PCDHGA4: variants seen among roughly 807,000 people sequenced by gnomAD.
PCDHGA4 encodes the protein protocadherin gamma subfamily A, 4.
Under a neutral mutation model 54.6 loss-of-function variants are expected in PCDHGA4, and 38 were observed. That is an observed-to-expected ratio of 0.70 (90% CI 0.54 to 0.91). The LOEUF is 0.91. PCDHGA4 is among the 40% of genes least tolerant of loss of function. The pLI is 0.00. For missense variants in PCDHGA4, 1,298 were observed against 1,220.9 expected (o/e 1.06, Z -0.94); for synonymous variants, 511 against 512.9 (o/e 1.00, Z 0.05).
Position 141,375,204 on chromosome 5 carries a change from G to A in PCDHGA4, c.2514+17583G>A, listed in dbSNP as rs368044815. 218 of 1,613,850 alleles carry A rather than the reference G, an allele frequency of 1.4e-4. No individual in the cohort carries two copies. The highest frequency in any genetic ancestry group is 1.7e-4 in the Non-Finnish European group (204 of 1,179,898). ...ATCGCCCTTTTTCAAGTGTTCGATC[G>A]AGACTCTGGCCTGAATGGCCTGGTA... On this transcript the variant is annotated intron_variant, in intron 1 of 3. Coordinates refer to ENST00000571252, the MANE Select transcript of PCDHGA4 (RefSeq NM_018917.4).
intron 1 of PCDHGA4, chr5:141,393,562 A>C: frequency 6.2e-7 from 1 of 1,613,964 alleles, no homozygotes; most frequent in Non-Finnish European, 8.5e-7. Context: ...TACCGAGTGA[A>C]AGTCCTTGAG....
chr5:141,495,810 C>T (rs1003475681), intron 2 of PCDHGA4, among the ~76,000 whole-genome samples: 1 of 152,088 alleles, frequency 6.6e-6, no homozygotes, highest in Non-Finnish European at 1.5e-5. Context: ...CGTTTCCTAG[C>T]GCCTTGTGTT....
chr5:141,405,595 A>C (rs1255161296), intron 1 of PCDHGA4: 1 of 578,138 alleles, frequency 1.7e-6, no homozygotes, highest in Non-Finnish European at 3.1e-6. Flanking sequence ...CAGGCCTCCC[A>C]AGTAGAATAA....
At chr5:141,385,427 T>C (rs1052771598) in intron 1 of PCDHGA4, 27 of 1,460,068 alleles carry the variant, frequency 1.8e-5, no homozygotes, top group Non-Finnish European at 2.3e-5. Context: ...TAAAAAACTT[T>C]ATAGAGGTAA....
In PCDHGA4 at chr5:141,374,803, A is replaced by G. The variant is rs371815306; in HGVS notation, c.2514+17182A>G. The G allele has an allele frequency of 9.7e-5, 157 of 1,613,866 alleles. 1 individual carries two copies. Among genetic ancestry groups the G allele is most frequent in the Middle Eastern group, 1.6e-4 (1 of 6,084 alleles). On this transcript the variant is annotated intron_variant, in intron 1 of 3. Coordinates refer to ENST00000571252, the MANE Select transcript of PCDHGA4 (RefSeq NM_018917.4). ...TTCTAGATGTGAATGACAACACTCC[A>G]ATGTTTACTCAGCCTGTCTACCGTG...
chr5:141,500,139 CT>C (rs2099796692), intron 2 of PCDHGA4, among the ~76,000 whole-genome samples: 2 of 151,768 alleles, frequency 1.3e-5, no homozygotes, highest in East Asian at 3.9e-4. Context: ...TCTTTCTAAA[CT>C]TTTCTTTGTG....
chr5:141,359,856 A>C (rs1055838573), intron 1 of PCDHGA4, among the ~76,000 whole-genome samples: 7 of 152,188 alleles, frequency 4.6e-5, no homozygotes, highest in Admixed American at 2.0e-4. Context: ...TTTATAAATT[A>C]AAAAAGAAAA....
chr5:141,417,641 C>G (rs1266850894), intron 1 of PCDHGA4: 12 of 779,426 alleles, frequency 1.5e-5, no homozygotes, highest in Non-Finnish European at 2.1e-5. Context: ...CCGGGGATCC[C>G]TCAGCCTCTA....
intron 1 of PCDHGA4, chr5:141,362,277 C>G (rs1762415118): frequency 6.2e-7 from 1 of 1,614,048 alleles, no homozygotes; most frequent in Non-Finnish European, 8.5e-7. Context: ...TCTCCCTGCG[C>G]CTGCGACTCT....
intron 1 of PCDHGA4, among the ~76,000 whole-genome samples, chr5:141,481,171 C>G (rs927813327): frequency 6.6e-6 from 1 of 152,120 alleles, no homozygotes; most frequent in African/African-American, 2.4e-5. Flanking sequence ...AACCAGAATC[C>G]AGCTTTATTG....
intron 1 of PCDHGA4, among the ~76,000 whole-genome samples, chr5:141,464,261 T>TC (rs2099079163): frequency 1.5e-5 from 2 of 137,096 alleles, no homozygotes; most frequent in African/African-American, 2.9e-5. Flanking sequence ...CGAGACTCCG[T>TC]CTAAAAAAAA....
At chr5:141,450,729 C>T (rs370122389) in intron 1 of PCDHGA4, among the ~76,000 whole-genome samples, 3 of 152,048 alleles carry the variant, frequency 2.0e-5, no homozygotes, top group Non-Finnish European at 2.9e-5. Context: ...TCAGGTGATC[C>T]GCCCGCCTTG....
rs2099701571 is a variant in PCDHGA4, at chr5:141,490,550, A to G, written c.2515-4257A>G. On this transcript the variant is annotated intron_variant, in intron 1 of 3. Coordinates refer to ENST00000571252, the MANE Select transcript of PCDHGA4 (RefSeq NM_018917.4). This position sits in a 1 kb window ranked among gnomAD's most constrained non-coding sequence, Gnocchi z 5.4. ...GCTGGTTCACCTTCCCTACACAAACATCTCACCATCAGGCTCAACATTTCA... is the reference window on the plus strand; with the variant it reads ...GCTGGTTCACCTTCCCTACACAAACGTCTCACCATCAGGCTCAACATTTCA... 1 of 1,614,092 alleles carries G rather than the reference A, an allele frequency of 6.2e-7. No individual in the cohort carries two copies.
intron 1 of PCDHGA4, chr5:141,367,909 A>C (rs1765390409): frequency 1.3e-5 from 2 of 150,836 alleles, no homozygotes; most frequent in Admixed American, 6.6e-5. Flanking sequence ...TTGTATTTGA[A>C]AAAAAAAGAA....
intron 1 of PCDHGA4, chr5:141,433,354 T>C: frequency 1.7e-6 from 1 of 602,322 alleles, no homozygotes; most frequent in Non-Finnish European, 2.9e-6. Flanking sequence ...CCACCTACTG[T>C]CTGCCTATCT....
rs2099619316 is a variant in PCDHGA4, at chr5:141,485,794, C to A, written c.2515-9013C>A. The A allele has an allele frequency of 6.2e-7, 1 of 1,614,120 alleles. No homozygotes were observed. The highest frequency in any genetic ancestry group is 1.1e-5 in the South Asian group (1 of 91,092). On this transcript the variant is annotated intron_variant, in intron 1 of 3. Transcript: ENST00000571252. This position sits in a 1 kb window ranked among gnomAD's most constrained non-coding sequence, Gnocchi z 5.7. ...CTTTGGATCGAGAGAAGCAATCGGA[C>A]TACCGCCTGGTGCTGACTGCTGTCG...
chr5:141,473,362 C>A (rs2099320242), intron 1 of PCDHGA4, among the ~76,000 whole-genome samples: 1 of 152,166 alleles, frequency 6.6e-6, no homozygotes, highest in Admixed American at 6.5e-5. Context: ...AAGTGGCCAC[C>A]AAAATAGCAT....
In PCDHGA4 at chr5:141,485,244, T is replaced by C; in HGVS notation, c.2515-9563T>C. ...ACCCTTTTGTTCCTCTTTTACCACC[T>C]GGGTTACGTTTGTGGGCAGATCCGC... On this transcript the variant is annotated intron_variant, in intron 1 of 3. Transcript: ENST00000571252. This position sits in a 1 kb window ranked among gnomAD's most constrained non-coding sequence, Gnocchi z 5.7. 1 of 1,614,168 alleles carries C rather than the reference T, an allele frequency of 6.2e-7. No individual in the cohort carries two copies. Among genetic ancestry groups the C allele is most frequent in the Admixed American group, 1.7e-5 (1 of 60,016 alleles).
At chr5:141,414,861 T>C in intron 1 of PCDHGA4, 1 of 1,614,118 alleles carries the variant, frequency 6.2e-7, no homozygotes, top group Admixed American at 1.7e-5. Context: ...AGAACGACAA[T>C]GCGCCCGAGA....
Sources: gnomAD v4.1 joint callset for allele counts (sites outside exome capture counted in the v4.1 genomes callset) on GRCh38, gnomAD v4.1.1 for gene constraint, Gnocchi (gnomAD v3.1) non-coding constraint, MANE v1.5 for transcripts, NCBI Gene and HGNC (gene_info 2026-07-23, HGNC 2026-07-21) for gene names.